The following MACROD2 variants were observed in gnomAD, a reference collection of about 807,000 sequenced individuals.
MACROD2 encodes mono-ADP ribosylhydrolase 2.
Under a neutral mutation model 70.4 loss-of-function variants are expected in MACROD2, and 36 were observed. That is an observed-to-expected ratio of 0.51 (90% confidence interval 0.39 to 0.68). The LOEUF (loss-of-function observed/expected upper bound fraction) is 0.68, where lower values mean the gene tolerates loss of function less well. Ranked by LOEUF, MACROD2 falls within the 30% of genes least tolerant of loss-of-function variation. The pLI is 0.00. For missense variants in MACROD2, 496 were observed against 538.4 expected (o/e 0.92, Z 0.78); for synonymous variants, 172 against 178.8 (o/e 0.96, Z 0.30).
At chr20:15,645,297 G>A (rs1049784179) in intron 8 of MACROD2, among the ~76,000 whole-genome samples, 10 of 152,172 alleles carry the variant, frequency 6.6e-5, no homozygotes, top group African/African-American at 1.7e-4. Context: ...AATCTCTGTA[G>A]GGATGAATGT....
At chr20:14,502,116 A>C (rs1340800913) in intron 4 of MACROD2, among the ~76,000 whole-genome samples, 2 of 152,250 alleles carry the variant, frequency 1.3e-5, no homozygotes, top group Non-Finnish European at 2.9e-5. Context: ...AGTTTCAAGC[A>C]AAATACTGCA....
At chr20:15,409,092 T>C (rs1211911776) in intron 6 of MACROD2, among the ~76,000 whole-genome samples, 1 of 152,202 alleles carries the variant, frequency 6.6e-6, no homozygotes, top group Non-Finnish European at 1.5e-5. Flanking sequence ...AAAGCTCCCA[T>C]GCTAGCCAGT....
At chr20:14,661,127 A>T (rs1462731266) in intron 4 of MACROD2, among the ~76,000 whole-genome samples, 3 of 152,008 alleles carry the variant, frequency 2.0e-5, no homozygotes, top group Non-Finnish European at 4.4e-5. Flanking sequence ...AGATCTCCAA[A>T]TGGCTTTCTA....
chr20:15,434,687 G>T (rs929240177), intron 7 of MACROD2, among the ~76,000 whole-genome samples: 1 of 151,770 alleles, frequency 6.6e-6, no homozygotes, highest in African/African-American at 2.4e-5. Flanking sequence ...CAGAGGAAAA[G>T]AAGTCGTTAT....
chr20:15,896,775 A>T (rs897429905), intron 10 of MACROD2, among the ~76,000 whole-genome samples: 1 of 152,196 alleles, frequency 6.6e-6, no homozygotes, highest in Non-Finnish European at 1.5e-5. Flanking sequence ...TAGTGATTTT[A>T]TTATTTTTAG....
At chr20:14,517,482 A>G (rs1489966496) in intron 4 of MACROD2, among the ~76,000 whole-genome samples, 2 of 152,136 alleles carry the variant, frequency 1.3e-5, no homozygotes, top group Admixed American at 6.5e-5. Flanking sequence ...GTGGGAGTTG[A>G]GCAATGAGAA....
intron 6 of MACROD2, among the ~76,000 whole-genome samples, chr20:15,301,085 C>T (rs544410112): frequency 4.6e-5 from 7 of 152,276 alleles, no homozygotes; most frequent in East Asian, 1.9e-4. Flanking sequence ...GGAAGGACAG[C>T]GAGCAAGGTG....
chr20:14,897,868 C>A (rs2073849133), intron 5 of MACROD2, among the ~76,000 whole-genome samples: 1 of 151,948 alleles, frequency 6.6e-6, no homozygotes. Context: ...CTCATTGTAC[C>A]CTCACATGCC....
At chr20:15,886,210 C>G (rs1015741993) in intron 10 of MACROD2, among the ~76,000 whole-genome samples, 1 of 152,168 alleles carries the variant, frequency 6.6e-6, no homozygotes, top group Non-Finnish European at 1.5e-5. Flanking sequence ...CTGGGACCAT[C>G]TGAAGATTCA....
chr20:15,105,549 G>A (rs987906428), intron 5 of MACROD2, among the ~76,000 whole-genome samples: 11 of 152,074 alleles, frequency 7.2e-5, no homozygotes, highest in African/African-American at 2.7e-4. Context: ...GAGAGTGAAA[G>A]CTGAGGAGTC....
chr20:14,106,177 G>A (rs2054365756), intron 3 of MACROD2, among the ~76,000 whole-genome samples: 1 of 152,194 alleles, frequency 6.6e-6, no homozygotes. Flanking sequence ...CTGCCCTGAA[G>A]GGTGAGTCCT....
intron 10 of MACROD2, among the ~76,000 whole-genome samples, chr20:15,892,122 A>G (rs937741811): frequency 6.6e-6 from 1 of 152,176 alleles, no homozygotes; most frequent in South Asian, 2.1e-4. Flanking sequence ...TGCAATCCAG[A>G]AAATTCAGCC....
intron 5 of MACROD2, among the ~76,000 whole-genome samples, chr20:14,916,480 C>T (rs1425938234): frequency 1.3e-5 from 2 of 152,150 alleles, no homozygotes; most frequent in African/African-American, 4.8e-5. Context: ...TGGCCCTCTG[C>T]TTACTTGTTT....
intron 5 of MACROD2, among the ~76,000 whole-genome samples, chr20:14,812,783 A>G (rs1400313402): frequency 6.6e-6 from 1 of 152,014 alleles, no homozygotes; most frequent in East Asian, 1.9e-4. Flanking sequence ...TCTCTAGCAG[A>G]CACCAAGTGG....
At chr20:14,639,939 A>T (rs1191085649) in intron 4 of MACROD2, among the ~76,000 whole-genome samples, 3 of 152,134 alleles carry the variant, frequency 2.0e-5, no homozygotes, top group Non-Finnish European at 4.4e-5. Context: ...AGAATTATAA[A>T]TCGTTCTCAA....
chr20:14,699,995 T>C (rs2071174988), intron 5 of MACROD2, among the ~76,000 whole-genome samples: 1 of 143,542 alleles, frequency 7.0e-6, no homozygotes. Flanking sequence ...GTTTAAAGTT[T>C]AAATCTAGAA....
At chr20:15,473,909 T>C (rs1829409681) in intron 7 of MACROD2, among the ~76,000 whole-genome samples, 1 of 152,222 alleles carries the variant, frequency 6.6e-6, no homozygotes, top group Non-Finnish European at 1.5e-5. Context: ...AGATCTTTTG[T>C]TTTCCAACAT....
intron 4 of MACROD2, among the ~76,000 whole-genome samples, chr20:14,583,072 G>A (rs988962451): frequency 4.6e-5 from 7 of 152,190 alleles, no homozygotes; most frequent in African/African-American, 1.2e-4. Context: ...CTAAGGACGT[G>A]TGACTGTAGC....
chr20:14,987,707 A>G (rs1051289737), intron 5 of MACROD2, among the ~76,000 whole-genome samples: 1 of 152,106 alleles, frequency 6.6e-6, no homozygotes, highest in Non-Finnish European at 1.5e-5. Flanking sequence ...TTTTTGTGCA[A>G]TTTTCTAGTT....
Sources: gnomAD v4.1 joint callset for allele counts (sites outside exome capture counted in the v4.1 genomes callset) on GRCh38, gnomAD v4.1.1 for gene constraint, MANE v1.5 for transcripts, NCBI Gene and HGNC (gene_info 2026-07-23, HGNC 2026-07-21) for gene names.